The following ASXL3 variants were observed in gnomAD, a reference collection of about 807,000 sequenced individuals.
ASXL3 encodes the protein ASXL transcriptional regulator 3, also known as putative Polycomb group protein ASXL3.
A neutral mutation model predicts 170.6 loss-of-function variants in ASXL3; 34 were observed. The ratio of observed to expected loss-of-function variants is 0.20; its 90% CI spans 0.15 to 0.27. ASXL3 has a LOEUF of 0.27. Ranked by LOEUF, ASXL3 falls within the 10% of genes least tolerant of loss-of-function variation. The pLI is 1.00. For synonymous variants in ASXL3, 1,002 were observed against 989.1 expected (o/e 1.01, Z -0.24); for missense variants, 2,592 against 2,695.3 (o/e 0.96, Z 0.85).
At chr18:33,589,347 C>T (rs552977029) in intron 1 of ASXL3, among the ~76,000 whole-genome samples, 1 of 152,260 alleles carries the variant, frequency 6.6e-6, no homozygotes, top group African/African-American at 2.4e-5. Flanking sequence ...GAAGTTCCTG[C>T]AACAACTTTG....
At chr18:33,671,967 G>A in intron 7 of ASXL3, 101 bp downstream of exon 7, 11 of 1,233,688 alleles carry the variant, frequency 8.9e-6, no homozygotes, top group South Asian at 3.8e-5. Flanking sequence ...GATTAAACAA[G>A]GAAATTAAAA....
intron 1 of ASXL3, among the ~76,000 whole-genome samples, chr18:33,595,819 C>T (rs556885121): frequency 2.0e-5 from 3 of 152,260 alleles, no homozygotes; most frequent in East Asian, 3.9e-4. Flanking sequence ...CTCCCTGTGT[C>T]CCCAACTCCA....
chr18:33,582,256 TCTGTTACTATAAATA>T (rs949310300), intron 1 of ASXL3, among the ~76,000 whole-genome samples: 1 of 152,212 alleles, frequency 6.6e-6, no homozygotes, highest in African/African-American at 2.4e-5. Context: ...AAGTCTTCAT[TCTGTTACTATAAATA>T]CAGTTTAAAC....
chr18:33,749,429 GTACCA>G lies in ASXL3; in HGVS notation c.*2838_*2842del, dbSNP rs1434528191. Reference sequence around the variant, plus strand: ...CTTATCAGGAATAGAACTTGCACATGTACCATACAATTTTTTTTTTTTTAATCACA... The same window carrying G: ...CTTATCAGGAATAGAACTTGCACATGTACAATTTTTTTTTTTTTAATCACA... On this transcript the variant is annotated 3_prime_UTR_variant, in exon 12 of 12. Coordinates refer to ENST00000269197, the MANE Select transcript of ASXL3 (RefSeq NM_030632.3). 6.6e-6 allele frequency: 1 copy of G among 151,452 alleles called. No individual in the cohort carries two copies. The highest frequency in any genetic ancestry group is 1.5e-5 in the Non-Finnish European group (1 of 67,956). The allele number at this position is 151,452 out of a possible 1,614,324, so 9.4% of individuals were successfully genotyped here.
chr18:33,618,483 A>T (rs1354534698), intron 2 of ASXL3, among the ~76,000 whole-genome samples: 1 of 152,086 alleles, frequency 6.6e-6, no homozygotes, highest in Non-Finnish European at 1.5e-5. Flanking sequence ...ATTAAGATAA[A>T]GTTGTGGAGA....
intron 2 of ASXL3, among the ~76,000 whole-genome samples, chr18:33,630,641 T>C (rs750641925): frequency 2.0e-5 from 3 of 152,082 alleles, no homozygotes; most frequent in Middle Eastern, 3.4e-3. Flanking sequence ...ATTTTTCCCA[T>C]AGCCAGCAAA....
intron 5 of ASXL3, among the ~76,000 whole-genome samples, chr18:33,665,211 A>G (rs1237049006): frequency 6.6e-6 from 1 of 152,112 alleles, no homozygotes; most frequent in African/African-American, 2.4e-5. Flanking sequence ...TAACCTTTCT[A>G]TGTTGTTTGT....
intron 2 of ASXL3, among the ~76,000 whole-genome samples, chr18:33,631,476 G>C (rs1308939502): frequency 6.6e-6 from 1 of 151,938 alleles, no homozygotes; most frequent in East Asian, 1.9e-4. Context: ...TGAAAAGTCA[G>C]TTGGCATTAT....
At chr18:33,689,433 T>A (rs1172764351) in intron 8 of ASXL3, among the ~76,000 whole-genome samples, 1 of 152,244 alleles carries the variant, frequency 6.6e-6, no homozygotes, top group Non-Finnish European at 1.5e-5. Context: ...CCCAGTAATG[T>A]CACGTTTAGC....
chr18:33,593,890 C>T (rs1219126400), intron 1 of ASXL3, among the ~76,000 whole-genome samples: 1 of 152,136 alleles, frequency 6.6e-6, no homozygotes, highest in Non-Finnish European at 1.5e-5. Context: ...GGTCACAAAA[C>T]AAAATCTCCC....
At chr18:33,613,611 C>T (rs1464165990) in intron 2 of ASXL3, among the ~76,000 whole-genome samples, 2 of 152,018 alleles carry the variant, frequency 1.3e-5, no homozygotes, top group African/African-American at 4.8e-5. Flanking sequence ...AAACACTGTA[C>T]ATACCTTAAT....
intron 7 of ASXL3, among the ~76,000 whole-genome samples, chr18:33,681,536 T>A (rs1470242072): frequency 6.6e-6 from 1 of 152,092 alleles, no homozygotes; most frequent in African/African-American, 2.4e-5. Flanking sequence ...ATTGATAATA[T>A]TTCTATCCAT....
rs568221465 is a variant in ASXL3, at chr18:33,676,222, CAA to C, written c.715+4380_715+4381del. Among the ~76,000 whole-genome samples, 140 of 41,716 alleles carry C rather than the reference CAA, an allele frequency of 3.4e-3. 3 individuals are homozygous for C. Among genetic ancestry groups the C allele is most frequent in the African/African-American group, 0.011 (112 of 10,250 alleles). The allele number at this position is 41,716 out of a possible 152,430, so 27.4% of individuals were successfully genotyped here. The stretch of plus-strand genomic sequence containing the variant: ...CTGGGTGACGAGCGAGACTCCGTCT[CAA>C]AAAAAAAAAAAAAAAAAAAAAAATT... On this transcript the variant is annotated intron_variant, in intron 7 of 11. Transcript: ENST00000269197.
intron 5 of ASXL3, among the ~76,000 whole-genome samples, chr18:33,669,281 A>G (rs921710464): frequency 6.6e-6 from 1 of 152,198 alleles, no homozygotes; most frequent in African/African-American, 2.4e-5. Flanking sequence ...TAATAACAGC[A>G]GGCTAAAGGT....
chr18:33,652,250 G>A (rs926299669), intron 4 of ASXL3, among the ~76,000 whole-genome samples: 8 of 151,984 alleles, frequency 5.3e-5, no homozygotes, highest in African/African-American at 1.2e-4. Context: ...TATATCGTGA[G>A]TTTCCTAACA....
intron 1 of ASXL3, among the ~76,000 whole-genome samples, chr18:33,597,812 A>C (rs374351653): frequency 0.09 from 13,690 of 151,950 alleles, 706 homozygotes; most frequent in African/African-American, 0.12. Flanking sequence ...AAAAACAAAA[A>C]AAACAAAAAA....
intron 2 of ASXL3, among the ~76,000 whole-genome samples, chr18:33,623,909 A>G (rs1173188739): frequency 6.6e-6 from 1 of 152,134 alleles, no homozygotes; most frequent in Admixed American, 6.6e-5. Flanking sequence ...CTGTAATCCC[A>G]GCACATTGGG....
At chr18:33,659,656 T>A (rs2066140786) in intron 4 of ASXL3, among the ~76,000 whole-genome samples, 2 of 152,140 alleles carry the variant, frequency 1.3e-5, no homozygotes, top group Admixed American at 1.3e-4. Flanking sequence ...TTCTAATATT[T>A]CTTGATAAAT....
chr18:33,609,020 C>T, intron 2 of ASXL3: 3 of 984,642 alleles, frequency 3.0e-6, no homozygotes, highest in Non-Finnish European at 3.6e-6. Flanking sequence ...ATAATATAAC[C>T]ACGCTGTGTT....
Sources: allele counts gnomAD v4.1 joint callset (sites outside exome capture counted in the v4.1 genomes callset), GRCh38; gene constraint gnomAD v4.1.1; transcripts MANE v1.5; gene names NCBI Gene and HGNC (gene_info 2026-07-23, HGNC 2026-07-21).